DSCAML1: variants seen among roughly 807,000 people sequenced by gnomAD.
DSCAML1 encodes the protein DS cell adhesion molecule like 1.
In DSCAML1, 38 loss-of-function variants were observed where a neutral mutation model predicts 200.5. The observed-to-expected ratio is 0.19, with a 90% CI of 0.15 to 0.25. The LOEUF (loss-of-function observed/expected upper bound fraction) is 0.25. DSCAML1 is among the 10% of genes least tolerant of loss of function. The probability of loss-of-function intolerance (pLI) is 1.00; values close to 1 mark genes in which losing one functional copy is unlikely to be tolerated. For missense variants in DSCAML1, 2,223 were observed against 2,858.8 expected (o/e 0.78, Z 5.07); for synonymous variants, 1,215 against 1,165.0 (o/e 1.04, Z -0.87).
intron 3 of DSCAML1, among the ~76,000 whole-genome samples, chr11:117,645,593 T>C (rs983831753): frequency 6.6e-6 from 1 of 152,042 alleles, no homozygotes; most frequent in Admixed American, 6.6e-5. Flanking sequence ...AGTTCATGTC[T>C]TTTGTAGGGA....
chr11:117,806,671 T>A (rs2055709455), intron 1 of DSCAML1, among the ~76,000 whole-genome samples: 1 of 152,210 alleles, frequency 6.6e-6, no homozygotes, highest in South Asian at 2.1e-4. Flanking sequence ...AGAAATTAAC[T>A]AAGTTGTCCA....
At chr11:117,803,085 TG>T (rs2055675989) in intron 1 of DSCAML1, among the ~76,000 whole-genome samples, 1 of 151,846 alleles carries the variant, frequency 6.6e-6, no homozygotes, top group South Asian at 2.1e-4. Flanking sequence ...GACTCTGGCT[TG>T]GGATTGGTGG....
chr11:117,638,922 T>C (rs1219829593), intron 3 of DSCAML1, among the ~76,000 whole-genome samples: 1 of 152,212 alleles, frequency 6.6e-6, no homozygotes, highest in East Asian at 1.9e-4. Flanking sequence ...GGTAATTCTC[T>C]GTTTAACCTT....
At chr11:117,434,345 A>G (rs1268289772) in intron 27 of DSCAML1, among the ~76,000 whole-genome samples, 1 of 152,140 alleles carries the variant, frequency 6.6e-6, no homozygotes, top group African/African-American at 2.4e-5. Context: ...AATCCATTCA[A>G]CCATTCACTC....
In DSCAML1 at chr11:117,480,290, C is replaced by T. The variant is rs537917521; in HGVS notation, c.2785+153G>A. Among the ~76,000 whole-genome samples, 2 of 152,282 alleles carry T rather than the reference C, an allele frequency of 1.3e-5. No individual in the cohort carries two copies. The highest frequency in any genetic ancestry group is 4.8e-5 in the African/African-American group (2 of 41,570). ...GGCCAGTGTCCCTCCCTTCAGAAGC[C>T]ACAGCTGCTTGTGCACTGGTGGGTG... On this transcript the variant is annotated intron_variant, in intron 14 of 32. Coordinates refer to ENST00000651296, the MANE Select transcript of DSCAML1 (RefSeq NM_020693.4). The surrounding 1 kb of genome is among the most constrained non-coding windows in gnomAD (Gnocchi z 4.1).
chr11:117,742,571 C>T (rs945807748), intron 3 of DSCAML1, among the ~76,000 whole-genome samples: 1 of 152,176 alleles, frequency 6.6e-6, no homozygotes, highest in East Asian at 1.9e-4. Context: ...GGAGCATGCC[C>T]AGGGCAGAGA....
At chr11:117,669,786 G>A (rs1000804564) in intron 3 of DSCAML1, among the ~76,000 whole-genome samples, 2 of 152,224 alleles carry the variant, frequency 1.3e-5, no homozygotes, top group African/African-American at 4.8e-5. Context: ...GAAGGAACAT[G>A]TGCAAAGGCC....
chr11:117,704,605 G>A (rs1414546741), intron 3 of DSCAML1, among the ~76,000 whole-genome samples: 1 of 152,166 alleles, frequency 6.6e-6, no homozygotes, highest in African/African-American at 2.4e-5. Flanking sequence ...GGGGTGTATG[G>A]CCTCGCACTT....
At chr11:117,570,223 G>A (rs1325203746) in intron 3 of DSCAML1, among the ~76,000 whole-genome samples, 1 of 152,190 alleles carries the variant, frequency 6.6e-6, no homozygotes, top group South Asian at 2.1e-4. Flanking sequence ...GTAGTTTTCG[G>A]GGTATCTCAT....
intron 3 of DSCAML1, among the ~76,000 whole-genome samples, chr11:117,718,641 T>TAC (rs1171142899): frequency 9.1e-6 from 1 of 109,628 alleles, no homozygotes; most frequent in Admixed American, 1.3e-4. Flanking sequence ...TTTCTAAAAA[T>TAC]ACACACACAC....
Position 117,683,635 on chromosome 11 carries a change from C to T in DSCAML1, c.511+93156G>A, listed in dbSNP as rs973942746. ...GCTTTTTCCTGTAGAGCAGAGGGGT[C>T]GAGCTTGTAGCCTCTCGGGCCAAAT... On this transcript the variant is annotated intron_variant, in intron 3 of 32. Coordinates refer to ENST00000651296, the MANE Select transcript of DSCAML1 (RefSeq NM_020693.4). Among the ~76,000 whole-genome samples, 5 of 152,148 alleles carry T rather than the reference C, an allele frequency of 3.3e-5. No individual in the cohort carries two copies. In the South Asian group the frequency reaches 6.2e-4, roughly 19 times the overall value.
At chr11:117,790,534 A>G (rs1181195137) in intron 1 of DSCAML1, among the ~76,000 whole-genome samples, 1 of 152,250 alleles carries the variant, frequency 6.6e-6, no homozygotes, top group Non-Finnish European at 1.5e-5. Flanking sequence ...TCGTTCCTGT[A>G]TGATGAAATG....
At position 117,780,925 on chromosome 11, in the gene DSCAML1, A is replaced by G; in HGVS notation, c.47-115T>C. 2.5e-6 allele frequency: 2 copies of G among 792,224 alleles called. No homozygotes were observed. Among genetic ancestry groups the G allele is most frequent in the South Asian group, 2.8e-5 (1 of 35,484 alleles). The allele number at this position is 792,224 out of a possible 1,614,324, so 49.1% of individuals were successfully genotyped here. On this transcript the variant is annotated intron_variant, in intron 1 of 32. Transcript: ENST00000651296. The surrounding 1 kb of genome is among the most constrained non-coding windows in gnomAD (Gnocchi z 4.8). Reference sequence around the variant, plus strand: ...TTCACCTGACCTTCAAGCATCAGTCATTCAGTATGCACTTATTGAGCACTG... The same window carrying G: ...TTCACCTGACCTTCAAGCATCAGTCGTTCAGTATGCACTTATTGAGCACTG...
At chr11:117,623,201 TTTTTC>T (rs1401489804) in intron 3 of DSCAML1, among the ~76,000 whole-genome samples, 7 of 143,592 alleles carry the variant, frequency 4.9e-5, no homozygotes, top group Admixed American at 3.8e-4. Context: ...TTTTTTTTCT[TTTTTC>T]TTTTCTTTTC....
rs373112304 is a variant in DSCAML1 at position 117,428,538 on chromosome 11, G to T, written c.5952C>A (p.Ala1984=). 184 of 1,516,522 alleles carry T rather than the reference G, an allele frequency of 1.2e-4. No homozygotes were observed. Among genetic ancestry groups the T allele is most frequent in the Non-Finnish European group, 1.6e-4 (174 of 1,121,422 alleles). 93.9% of individuals were successfully genotyped at this position (1,516,522 alleles called of 1,614,324 possible). Residue 1984 remains alanine (A), a synonymous_variant, in exon 33 of 33, where the codon GCC becomes GCA. Transcript: ENST00000651296. The part of the protein sequence containing the change: ...LAMPAPPAGT[A]PPAPGPTPAE... The stretch of plus-strand genomic sequence containing the variant: ...CAGGGGTGGGGCCGGGGGCTGGGGG[G>T]GCTGTGCCGGCTGGGGGGGCTGGCA...
intron 11 of DSCAML1, among the ~76,000 whole-genome samples, chr11:117,491,500 TC>T (rs2049181020): frequency 6.6e-6 from 1 of 152,232 alleles, no homozygotes; most frequent in Non-Finnish European, 1.5e-5. Context: ...GTGTGGTGGC[TC>T]ACGCTTGTAA....
intron 3 of DSCAML1, among the ~76,000 whole-genome samples, chr11:117,637,575 G>C (rs1008849356): frequency 3.9e-5 from 6 of 152,148 alleles, no homozygotes; most frequent in African/African-American, 1.4e-4. Flanking sequence ...TCAAACTCCT[G>C]ACCTGGTGAT....
intron 3 of DSCAML1, among the ~76,000 whole-genome samples, chr11:117,562,410 G>A (rs1003011636): frequency 7.2e-5 from 11 of 152,248 alleles, no homozygotes; most frequent in Non-Finnish European, 1.5e-5. Flanking sequence ...TCTTCTGTGT[G>A]CCTTTCCAGA....
rs746206517 is a variant in DSCAML1, at chr11:117,809,969, T to TCA, written c.-250+7419_-250+7420dup. 2.7e-5 allele frequency among the ~76,000 whole-genome samples: 4 copies of TCA among 146,514 alleles called. No individual in the cohort carries two copies. The East Asian group carries it at 6.0e-4, about 22-fold the overall frequency. On this transcript the variant is annotated intron_variant, in intron 1 of 2. Coordinates refer to the DSCAML1 transcript ENST00000525836. Reference sequence around the variant, plus strand: ...TACACACATTCACACACTCACACATTCACACACACTCATACACACATTCAC... The same window carrying TCA: ...TACACACATTCACACACTCACACATTCACACACACACTCATACACACATTCAC...
Sources: gnomAD v4.1 joint callset for allele counts (sites outside exome capture counted in the v4.1 genomes callset) on GRCh38, gnomAD v4.1.1 for gene constraint, Gnocchi (gnomAD v3.1) non-coding constraint, MANE v1.5 for transcripts, NCBI Gene and HGNC (gene_info 2026-07-23, HGNC 2026-07-21) for gene names.